Variants in SDHAF3 observed in about 807,000 individuals in gnomAD.
SDHAF3 encodes the protein succinate dehydrogenase complex assembly factor 3.
SDHAF3 carries 18 observed loss-of-function variants against 11.5 expected under a neutral mutation model. That is an observed-to-expected ratio of 1.56 (90% confidence interval 1.08 to 2.32). SDHAF3 has a LOEUF of 2.32. Among genes scored for constraint, SDHAF3 ranks in the 30% most tolerant of loss-of-function variants. The probability of loss-of-function intolerance (pLI) is 0.00; values close to 1 mark genes in which losing one functional copy is unlikely to be tolerated. For missense variants in SDHAF3, 200 were observed against 154.4 expected, an observed-to-expected ratio of 1.30 and a Z score of -1.57; for synonymous variants, 72 against 59.3, an observed-to-expected ratio of 1.21 and a Z score of -0.99.
intron 1 of SDHAF3, among the ~76,000 whole-genome samples, chr7:97,144,058 G>A (rs1009592348): frequency 4.6e-5 from 7 of 151,964 alleles, no homozygotes; most frequent in African/African-American, 1.7e-4. Context: ...ATCACATTGT[G>A]GTTTTGATTT....
intron 1 of SDHAF3, among the ~76,000 whole-genome samples, chr7:97,169,865 A>C (rs1789578211): frequency 6.6e-6 from 1 of 152,134 alleles, no homozygotes; most frequent in Non-Finnish European, 1.5e-5. Context: ...ATTGATAGTA[A>C]AATAATTGGA....
chr7:97,149,087 AC>A (rs1312350278), intron 1 of SDHAF3, among the ~76,000 whole-genome samples: 1 of 151,832 alleles, frequency 6.6e-6, no homozygotes, highest in Non-Finnish European at 1.5e-5. Context: ...GCACCATCAC[AC>A]CTGGCTATTT....
chr7:97,159,364 T>A (rs780136027), intron 1 of SDHAF3, among the ~76,000 whole-genome samples: 2 of 152,240 alleles, frequency 1.3e-5, no homozygotes, highest in Non-Finnish European at 2.9e-5. Context: ...TTCAAAGCTT[T>A]ATTCACCAGA....
chr7:97,176,452 C>T (rs184497388), intron 1 of SDHAF3, among the ~76,000 whole-genome samples: 6 of 152,312 alleles, frequency 3.9e-5, no homozygotes, highest in East Asian at 1.9e-4. Context: ...AGTCTCTTCC[C>T]TCCAGGTAGA....
intron 1 of SDHAF3, among the ~76,000 whole-genome samples, chr7:97,173,917 C>CT (rs1473611317): frequency 6.1e-5 from 9 of 148,260 alleles, no homozygotes; most frequent in East Asian, 4.1e-4. Context: ...TTGTTAGCAG[C>CT]TTTTTTTTCT....
chr7:97,145,195 T>C (rs996101523), intron 1 of SDHAF3, among the ~76,000 whole-genome samples: 11 of 152,134 alleles, frequency 7.2e-5, no homozygotes, highest in African/African-American at 2.7e-4. Context: ...TTATCAGTTC[T>C]AGGAGCTTGA....
intron 1 of SDHAF3, among the ~76,000 whole-genome samples, chr7:97,139,828 T>C (rs1232136148): frequency 1.3e-5 from 2 of 152,242 alleles, no homozygotes; most frequent in African/African-American, 4.8e-5. Context: ...CCAAATCCTG[T>C]TGACTGTTTT....
chr7:97,160,460 A>G (rs541108340), intron 1 of SDHAF3, among the ~76,000 whole-genome samples: 10 of 152,152 alleles, frequency 6.6e-5, no homozygotes, highest in African/African-American at 2.2e-4. Flanking sequence ...TCAAAAAGAA[A>G]AGGGGGAAAT....
rs184654345 is a variant in SDHAF3 at position 97,140,733 on chromosome 7, C to T, written c.174+22836C>T. Among the ~76,000 whole-genome samples, 67 of 145,478 alleles carry T rather than the reference C, an allele frequency of 4.6e-4. No homozygotes were observed. The South Asian group carries it at 5.0e-3, about 11-fold the overall frequency. On this transcript the variant is annotated intron_variant, in intron 1 of 1. Transcript: ENST00000432641. ...TTTAATTTCTTAATCCCGTCATCTT[C>T]GCAAGCTGAGGAGGATGTATGTCGC...
intron 1 of SDHAF3, among the ~76,000 whole-genome samples, chr7:97,139,211 G>C (rs1396259755): frequency 1.3e-5 from 2 of 152,222 alleles, no homozygotes; most frequent in Non-Finnish European, 2.9e-5. Flanking sequence ...ACAACCGAAG[G>C]GTGAGAAGGG....
chr7:97,144,807 T>C (rs1344542644), intron 1 of SDHAF3, among the ~76,000 whole-genome samples: 1 of 152,196 alleles, frequency 6.6e-6, no homozygotes, highest in Non-Finnish European at 1.5e-5. Flanking sequence ...TGGTTTCATA[T>C]GGATTTTAGA....
chr7:97,163,206 A>G (rs1789441860), intron 1 of SDHAF3, among the ~76,000 whole-genome samples: 1 of 146,038 alleles, frequency 6.8e-6, no homozygotes, highest in South Asian at 2.2e-4. Flanking sequence ...GTGCAGTGAA[A>G]TCTCGGCTCA....
At chr7:97,132,647 C>T (rs1791688072) in intron 1 of SDHAF3, among the ~76,000 whole-genome samples, 1 of 151,978 alleles carries the variant, frequency 6.6e-6, no homozygotes, top group African/African-American at 2.4e-5. Context: ...CCTTTTTCCC[C>T]TATGTTTTAT....
At chr7:97,177,041 AATG>A (rs1399083000) in intron 1 of SDHAF3, among the ~76,000 whole-genome samples, 1 of 152,068 alleles carries the variant, frequency 6.6e-6, no homozygotes, top group East Asian at 1.9e-4. Context: ...TATATTTGTA[AATG>A]ATATATATAT....
intron 1 of SDHAF3, among the ~76,000 whole-genome samples, chr7:97,133,258 A>G (rs916186391): frequency 6.6e-6 from 1 of 152,196 alleles, no homozygotes; most frequent in Non-Finnish European, 1.5e-5. Context: ...ATGTACATTT[A>G]TGTCAGGATT....
intron 1 of SDHAF3, among the ~76,000 whole-genome samples, chr7:97,158,739 T>C (rs1034188905): frequency 4.6e-5 from 7 of 152,328 alleles, no homozygotes; most frequent in African/African-American, 1.4e-4. Context: ...ACCCAGTGTA[T>C]GGACTATGAC....
intron 1 of SDHAF3, among the ~76,000 whole-genome samples, chr7:97,167,225 C>T (rs560812195): frequency 2.8e-4 from 43 of 152,198 alleles, no homozygotes; most frequent in East Asian, 1.9e-4. Flanking sequence ...GCTGTTCTCA[C>T]GATAGTGAGT....
chr7:97,141,145 C>G (rs951587636), intron 1 of SDHAF3, among the ~76,000 whole-genome samples: 9 of 152,252 alleles, frequency 5.9e-5, no homozygotes, highest in African/African-American at 2.2e-4. Flanking sequence ...AAATTCCCAC[C>G]TAATAAATTT....
chr7:97,163,951 C>CTT (rs57540189), intron 1 of SDHAF3, among the ~76,000 whole-genome samples: 20 of 137,588 alleles, frequency 1.5e-4, no homozygotes, highest in African/African-American at 2.4e-4. Context: ...GTTGAAAATT[C>CTT]TTTTTTTTTT....
Sources: gnomAD v4.1 joint callset for allele counts (sites outside exome capture counted in the v4.1 genomes callset) on GRCh38, gnomAD v4.1.1 for gene constraint, MANE v1.5 for transcripts, NCBI Gene and HGNC (gene_info 2026-07-23, HGNC 2026-07-21) for gene names.